Variants in NRAP observed in about 807,000 individuals in gnomAD.
NRAP encodes nebulin related anchoring protein.
A neutral mutation model predicts 225.9 loss-of-function variants in NRAP; 189 were observed. The observed-to-expected ratio is 0.84, with a 90% CI of 0.74 to 0.94. NRAP has a LOEUF of 0.94. Ranked by LOEUF, NRAP falls within the 40% of genes least tolerant of loss-of-function variation. The pLI, the probability that NRAP is intolerant of heterozygous loss-of-function variation, is 0.00. For missense variants in NRAP, 2,176 were observed against 2,168.7 expected (o/e 1.00, Z -0.07); for synonymous variants, 769 against 790.7 (o/e 0.97, Z 0.46).
At chr10:113,607,001 G>C (rs760090891) in intron 32 of NRAP, among the ~76,000 whole-genome samples, 1 of 152,062 alleles carries the variant, frequency 6.6e-6, no homozygotes, top group Non-Finnish European at 1.5e-5. Flanking sequence ...TCAGGAGTTC[G>C]AGACCAGCCT....
intron 3 of NRAP, among the ~76,000 whole-genome samples, chr10:113,661,148 A>T (rs1367291523): frequency 1.3e-5 from 2 of 152,200 alleles, no homozygotes; most frequent in East Asian, 3.8e-4. Context: ...TTGTGAATTC[A>T]TAAGACTTGT....
rs145188503 is a variant in NRAP at position 113,657,096 on chromosome 10, G to A, written c.360+374C>T. Reference sequence around the variant, plus strand: ...CAGGCTGGAGAGAGGCCAGCCTAGAGGAGGGAAAGCAGCCACCTTGGGAGG... The same window carrying A: ...CAGGCTGGAGAGAGGCCAGCCTAGAAGAGGGAAAGCAGCCACCTTGGGAGG... On this transcript the variant is annotated intron_variant, in intron 4 of 41. Transcript: ENST00000359988. 1.6e-4 allele frequency among the ~76,000 whole-genome samples: 25 copies of A among 152,276 alleles called. No homozygotes were observed. In the East Asian group the frequency reaches 4.6e-3, roughly 28 times the overall value.
intron 32 of NRAP, 26 bp from the exon 33 acceptor site, chr10:113,606,308 T>A: frequency 7.2e-7 from 1 of 1,384,410 alleles, no homozygotes; most frequent in Non-Finnish European, 1.0e-6. Context: ...ATAATAATAA[T>A]AATGCAAGAG....
At position 113,597,319 on chromosome 10, in the gene NRAP, G is replaced by A. The variant is rs12241995; in HGVS notation, c.4333-135C>T. 163,824 of 635,982 alleles carry A rather than the reference G, an allele frequency of 0.26. 22,360 individuals carry two copies. The highest frequency in any genetic ancestry group is 0.42 in the East Asian group (15,504 of 36,760). 39.4% of individuals were successfully genotyped at this position (635,982 alleles called of 1,614,324 possible). A position where few individuals can be genotyped will look rare whatever the true frequency, so the allele number is the denominator to read the frequency against. ...GGAAAACAAGCCTTTCTTCTTGGTAGGTACCTAACAATCAAGAGTATAAAA... is the reference window on the plus strand; with the variant it reads ...GGAAAACAAGCCTTTCTTCTTGGTAAGTACCTAACAATCAAGAGTATAAAA... On this transcript the variant is annotated intron_variant, in intron 36 of 41. Coordinates refer to ENST00000359988, the MANE Select transcript of NRAP (RefSeq NM_198060.4).
At chr10:113,652,849 T>C in intron 6 of NRAP, 86 bp downstream of exon 6, 1 of 870,672 alleles carries the variant, frequency 1.1e-6, no homozygotes, top group Non-Finnish European at 1.9e-6. Context: ...CAAAGCACTC[T>C]CTTACTGTTT....
intron 37 of NRAP, among the ~76,000 whole-genome samples, chr10:113,596,109 T>C (rs745864991): frequency 7.2e-5 from 11 of 152,242 alleles, no homozygotes; most frequent in Non-Finnish European, 1.6e-4. Context: ...ACAGCCTCAA[T>C]GCCTTTGTTG....
chr10:113,631,803 C>T (rs755420593), intron 17 of NRAP, 54 bp downstream of exon 17: 4 of 1,137,910 alleles, frequency 3.5e-6, no homozygotes, highest in South Asian at 2.5e-5. Flanking sequence ...GGACCACTGA[C>T]ATTTTATTGG....
chr10:113,662,527 A>G (rs1487420932), intron 3 of NRAP, 152 bp downstream of exon 3: 8 of 625,056 alleles, frequency 1.3e-5, no homozygotes, highest in Non-Finnish European at 2.0e-5. Context: ...AGCTCAAACC[A>G]TCTGCCCGCT....
Position 113,595,651 on chromosome 10 carries a change from G to A in NRAP, c.4508C>T (p.Ala1503Val). 1 of 1,613,362 alleles carries A rather than the reference G, an allele frequency of 6.2e-7. No individual in the cohort carries two copies. The highest frequency in any genetic ancestry group is 8.5e-7 in the Non-Finnish European group (1 of 1,179,286). Residue 1503 changes from alanine (A) to valine (V), a missense_variant, in exon 38 of 42, where the codon GCT becomes GTT. Physicochemically the swap from Ala to Val is moderately conservative, Grantham distance 64 (BLOSUM62 0). Around this residue, in one of 3 missense-constraint regions of NRAP, gnomAD observed 445 missense variants for 426.1 expected, o/e 1.04. Transcript: ENST00000359988. Reference sequence around the variant, plus strand: ...ACTCAGATGCAGCGCATTGAGGCGAGCTCGGGTGAAATCGGGATGGTCGGG... The same window carrying A: ...ACTCAGATGCAGCGCATTGAGGCGAACTCGGGTGAAATCGGGATGGTCGGG... The part of the protein sequence containing the change: ...LIPDHPDFTR[A>V]RLNALHLSDK...
At chr10:113,605,004 A>C in intron 34 of NRAP, 84 bp from the exon 35 acceptor site, 2 of 1,460,034 alleles carry the variant, frequency 1.4e-6, no homozygotes, top group Non-Finnish European at 1.9e-6. Context: ...TTACACTAGG[A>C]GGTGATGATT....
In NRAP at chr10:113,631,950, T is replaced by G; in HGVS notation, c.1647A>C (p.Glu549Asp). The G allele has an allele frequency of 6.2e-7, 1 of 1,604,772 alleles. No homozygotes were observed. Among genetic ancestry groups the G allele is most frequent in the South Asian group, 1.1e-5 (1 of 90,886 alleles). Reference protein sequence around the residue: ...AKLFSEVKYKEGWEKTKGKGF... With the variant: ...AKLFSEVKYKDGWEKTKGKGF... ...CTTTCCCCTTTGTCTTCTCCCAGCCTTCTTTATACTTAACCTGACAAACAA... is the reference window on the plus strand; with the variant it reads ...CTTTCCCCTTTGTCTTCTCCCAGCCGTCTTTATACTTAACCTGACAAACAA... The change falls in exon 17 of 42, where the codon GAA becomes GAC. Residue 549 changes from glutamate to aspartate, a missense_variant. Physicochemically the swap from Glu to Asp is conservative, Grantham distance 45. Transcript: ENST00000359988.
chr10:113,659,674 T>C (rs1324237288), intron 3 of NRAP, among the ~76,000 whole-genome samples: 1 of 152,210 alleles, frequency 6.6e-6, no homozygotes, highest in Non-Finnish European at 1.5e-5. Flanking sequence ...AAACCCTAGA[T>C]GTTTTATTTT....
chr10:113,635,823 TG>T (rs1848837690), intron 14 of NRAP, among the ~76,000 whole-genome samples: 1 of 152,234 alleles, frequency 6.6e-6, no homozygotes, highest in African/African-American at 2.4e-5. Flanking sequence ...TATGCTCACC[TG>T]GTTCCTTTCA....
rs1175311635 is a variant in NRAP, at chr10:113,651,816, T to C, written c.662A>G (p.Gln221Arg). 6.2e-7 allele frequency: 1 copy of C among 1,610,082 alleles called. No individual in the cohort carries two copies. The highest frequency in any genetic ancestry group is 8.5e-7 in the Non-Finnish European group (1 of 1,176,620). Residue 221 changes from glutamine (Q) to arginine (R), a missense_variant, in exon 7 of 42, where the codon CAG (glutamine) becomes CGG (arginine). Gln to Arg is a conservative substitution (Grantham distance 43, BLOSUM62 1). This residue lies in a region of NRAP where 1,708 missense variants were observed against 1,695.5 expected (regional missense o/e 1.01). Coordinates refer to ENST00000359988, the MANE Select transcript of NRAP (RefSeq NM_198060.4). The stretch of plus-strand genomic sequence containing the variant: ...CTCCTTTCTTACATCACTTTGAAGC[T>C]GTGCCCCAGCCTTGCTCCGTAGCAG... Reference protein sequence around the residue: ...PELLRSKAGAQLQSDVRYTED... With the variant: ...PELLRSKAGARLQSDVRYTED...
intron 37 of NRAP, 101 bp from the exon 38 acceptor site, chr10:113,595,828 C>A: frequency 2.6e-6 from 2 of 771,670 alleles, no homozygotes; most frequent in Admixed American, 2.0e-5. Flanking sequence ...ACCTGAGTGC[C>A]CACCGCATAG....
intron 6 of NRAP, among the ~76,000 whole-genome samples, chr10:113,652,272 C>T (rs546750196): frequency 6.6e-6 from 1 of 152,202 alleles, no homozygotes; most frequent in Non-Finnish European, 1.5e-5. Context: ...CAAATTTCAA[C>T]ATTCTGGCTC....
intron 9 of NRAP, among the ~76,000 whole-genome samples, chr10:113,649,754 T>C (rs1849821581): frequency 6.6e-6 from 1 of 152,220 alleles, no homozygotes; most frequent in South Asian, 2.1e-4. Flanking sequence ...TGTTCTTCAA[T>C]GGACAGATAG....
chr10:113,659,316 T>C (rs555661233), intron 3 of NRAP, among the ~76,000 whole-genome samples: 4 of 152,104 alleles, frequency 2.6e-5, no homozygotes, highest in Non-Finnish European at 5.9e-5. Flanking sequence ...CCAGATGCAA[T>C]AATACCCCAT....
At chr10:113,599,352 A>G (rs564665578) in intron 35 of NRAP, among the ~76,000 whole-genome samples, 74 of 152,312 alleles carry the variant, frequency 4.9e-4, no homozygotes, top group Non-Finnish European at 6.8e-4. Context: ...CATGTCAGTA[A>G]GATTGCTTTT....
Sources: gnomAD v4.1 joint callset for allele counts (sites outside exome capture counted in the v4.1 genomes callset) on GRCh38, gnomAD v4.1.1 for gene constraint, gnomAD v4.1.1 regional missense constraint, MANE v1.5 for transcripts, NCBI Gene and HGNC (gene_info 2026-07-23, HGNC 2026-07-21) for gene names.